The following BMP2K variants were observed in gnomAD, a reference collection of about 807,000 sequenced individuals.
The protein encoded by BMP2K is BMP2 inducible kinase, also known as BMP-2-inducible protein kinase.
BMP2K carries 74 observed loss-of-function variants against 116.0 expected under a neutral mutation model. That is an observed-to-expected ratio of 0.64 (90% CI 0.53 to 0.77). The LOEUF (loss-of-function observed/expected upper bound fraction) is 0.77, where lower values mean the gene tolerates loss of function less well. Among genes scored for constraint, BMP2K ranks in the 30% least tolerant of loss-of-function variants. The pLI is 0.00. For synonymous variants in BMP2K, 486 were observed against 502.5 expected (o/e 0.97, Z 0.44); for missense variants, 1,365 against 1,403.6 (o/e 0.97, Z 0.44).
At chr4:78,879,558 G>A (rs1006673776) in intron 14 of BMP2K, 4 of 530,272 alleles carry the variant, frequency 7.5e-6, no homozygotes, top group Admixed American at 6.4e-5. Context: ...AGTGTTTTGA[G>A]TAGGTTGCCA....
At chr4:78,797,679 A>C (rs1424822086) in intron 1 of BMP2K, among the ~76,000 whole-genome samples, 1 of 152,128 alleles carries the variant, frequency 6.6e-6, no homozygotes, top group Non-Finnish European at 1.5e-5. Flanking sequence ...CTCTCAGTAA[A>C]GTTATTCTTC....
chr4:78,861,447 G>A lies in BMP2K; in HGVS notation c.1046G>A (p.Arg349Lys). The change falls in exon 9 of 16, where the codon AGG (arginine) becomes AAG (lysine). Residue 349 changes from arginine to lysine, a missense_variant. Transcript: ENST00000502613. ...ATGACTGCTAGTGAAGCAGCTGCTAGGAAAAGCCAAATAAAAGCCAGGTAG... is the reference window on the plus strand; with the variant it reads ...ATGACTGCTAGTGAAGCAGCTGCTAAGAAAAGCCAAATAAAAGCCAGGTAG... ...EPMTASEAAA[R>K]KSQIKARITD... is the part of the protein sequence containing the mutation. 6.2e-7 allele frequency: 1 copy of A among 1,607,644 alleles called. No individual in the cohort carries two copies. The highest frequency in any genetic ancestry group is 8.5e-7 in the Non-Finnish European group (1 of 1,176,028).
intron 2 of BMP2K, among the ~76,000 whole-genome samples, chr4:78,828,132 A>G (rs1010760014): frequency 6.6e-6 from 1 of 152,194 alleles, no homozygotes; most frequent in African/African-American, 2.4e-5. Flanking sequence ...TAAAGCAGGA[A>G]GGAGAAGATG....
intron 10 of BMP2K, among the ~76,000 whole-genome samples, chr4:78,870,229 T>A (rs1313718559): frequency 6.6e-6 from 1 of 152,044 alleles, no homozygotes; most frequent in Non-Finnish European, 1.5e-5. Context: ...GTATAAAAGG[T>A]TTTTTGGGAC....
chr4:78,880,489 T>C (rs1732842728), intron 14 of BMP2K, among the ~76,000 whole-genome samples: 1 of 152,250 alleles, frequency 6.6e-6, no homozygotes, highest in Admixed American at 6.5e-5. Flanking sequence ...TTTACTAAAT[T>C]AGTATTTTCA....
intron 1 of BMP2K, among the ~76,000 whole-genome samples, chr4:78,781,952 G>A (rs1727524557): frequency 6.6e-6 from 1 of 152,198 alleles, no homozygotes; most frequent in Non-Finnish European, 1.5e-5. Flanking sequence ...TTCAAGAAGG[G>A]GAGGGAGTGA....
chr4:78,849,820 G>A (rs1731166279), intron 6 of BMP2K, among the ~76,000 whole-genome samples: 1 of 151,534 alleles, frequency 6.6e-6, no homozygotes, highest in Non-Finnish European at 1.5e-5. Context: ...TTGGACCATT[G>A]CTGCAATATT....
Position 78,913,966 on chromosome 4 carries a change from A to T in BMP2K, c.*1933A>T, listed in dbSNP as rs1426954346. 2.6e-5 allele frequency: 4 copies of T among 152,032 alleles called. No homozygotes were observed. The highest frequency in any genetic ancestry group is 4.4e-5 in the Non-Finnish European group (3 of 67,952). The allele number at this position is 152,032 out of a possible 1,614,324, so 9.4% of individuals were successfully genotyped here. On this transcript the variant is annotated 3_prime_UTR_variant, in exon 16 of 16. Coordinates refer to ENST00000502613, the MANE Select transcript of BMP2K (RefSeq NM_198892.2). The stretch of plus-strand genomic sequence containing the variant: ...AATGCAAATGCTCAAGTAGATGTTT[A>T]AAAACTTTACAAAATAGATTCAAGT...
rs760407731 is a variant in BMP2K, at chr4:78,914,812, G to A, written c.*2779G>A. The A allele has an allele frequency of 1.1e-4, 16 of 151,238 alleles. No individual in the cohort carries two copies. Among genetic ancestry groups the A allele is most frequent in the South Asian group, 4.2e-4 (2 of 4,814 alleles). 9.4% of individuals were successfully genotyped at this position (151,238 alleles called of 1,614,324 possible). ...TTAGGATGTAGTTATAACTAAACCT[G>A]TTATACTTGAACATCACTAAGAGAA... On this transcript the variant is annotated 3_prime_UTR_variant, in exon 16 of 16. Coordinates refer to ENST00000502613, the MANE Select transcript of BMP2K (RefSeq NM_198892.2).
rs1728129615 is a variant in BMP2K, at chr4:78,793,929, A to G, written c.178+17208A>G. 2.6e-5 allele frequency among the ~76,000 whole-genome samples: 4 copies of G among 152,100 alleles called. No homozygotes were observed. In the South Asian group the frequency reaches 8.3e-4, roughly 31 times the overall value. On this transcript the variant is annotated intron_variant, in intron 1 of 15. Transcript: ENST00000502613. The stretch of plus-strand genomic sequence containing the variant: ...TAAAATTTTATATGTGGCTCACATT[A>G]TATTGGACATACTGGACAGTGCTGA...
intron 13 of BMP2K, among the ~76,000 whole-genome samples, chr4:78,874,200 C>CACACACAA: frequency 6.7e-6 from 1 of 150,358 alleles, no homozygotes; most frequent in African/African-American, 2.5e-5. Context: ...CACACACACA[C>CACACACAA]AAAAAGTTCA....
chr4:78,879,019 G>A, intron 14 of BMP2K, 128 bp downstream of exon 14: 18 of 1,481,740 alleles, frequency 1.2e-5, no homozygotes, highest in Non-Finnish European at 1.6e-5. Flanking sequence ...GCAAAATTCA[G>A]GCCATCTTCT....
intron 15 of BMP2K, among the ~76,000 whole-genome samples, chr4:78,905,119 A>T (rs1290757245): frequency 6.6e-6 from 1 of 151,850 alleles, no homozygotes; most frequent in Non-Finnish European, 1.5e-5. Context: ...TAGTTGGGGA[A>T]CAGCATTTGA....
At chr4:78,873,998 T>C (rs749870905) in intron 13 of BMP2K, among the ~76,000 whole-genome samples, 4 of 152,042 alleles carry the variant, frequency 2.6e-5, no homozygotes, top group Admixed American at 6.6e-5. Flanking sequence ...GCCAACATGG[T>C]GAAACCTCAT....
chr4:78,818,134 T>TA (rs574360791), intron 1 of BMP2K, among the ~76,000 whole-genome samples: 2 of 152,294 alleles, frequency 1.3e-5, no homozygotes, highest in African/African-American at 2.4e-5. Flanking sequence ...GATATATATA[T>TA]TTTTTAAATT....
chr4:78,901,341 A>G (rs1733996499), intron 15 of BMP2K, among the ~76,000 whole-genome samples: 1 of 152,112 alleles, frequency 6.6e-6, no homozygotes, highest in Admixed American at 6.6e-5. Flanking sequence ...GATTACAGGC[A>G]AGAGCCATTG....
chr4:78,811,743 T>C (rs1260995079), intron 1 of BMP2K, among the ~76,000 whole-genome samples: 3 of 152,172 alleles, frequency 2.0e-5, no homozygotes, highest in African/African-American at 7.2e-5. Flanking sequence ...TTACAAAACA[T>C]TTTGGAAGTC....
intron 13 of BMP2K, among the ~76,000 whole-genome samples, chr4:78,873,476 C>T (rs145162623): frequency 6.6e-6 from 1 of 152,324 alleles, no homozygotes; most frequent in Non-Finnish European, 1.5e-5. Context: ...ACTTCTGTTA[C>T]ATGAACACTG....
chr4:78,817,437 A>G (rs1729404580), intron 1 of BMP2K, among the ~76,000 whole-genome samples: 1 of 152,202 alleles, frequency 6.6e-6, no homozygotes, highest in Non-Finnish European at 1.5e-5. Flanking sequence ...AACTCAGGAA[A>G]GTGCTACGCT....
Sources: gnomAD v4.1 joint callset for allele counts (sites outside exome capture counted in the v4.1 genomes callset) on GRCh38, gnomAD v4.1.1 for gene constraint, MANE v1.5 for transcripts, NCBI Gene and HGNC (gene_info 2026-07-23, HGNC 2026-07-21) for gene names.